Variants in METTL15 observed in about 807,000 individuals in gnomAD.
METTL15 encodes methyltransferase 15, mitochondrial 12S rRNA N4-cytidine, also known as 12S rRNA N(4)-cytidine methyltransferase METTL15.
A neutral mutation model predicts 38.3 loss-of-function variants in METTL15; 34 were observed. The ratio of observed to expected loss-of-function variants is 0.89; its 90% CI spans 0.68 to 1.18. METTL15 has a LOEUF of 1.18. Among genes scored for constraint, METTL15 ranks in the 50% most tolerant of loss-of-function variants. The pLI, the probability that METTL15 is intolerant of heterozygous loss-of-function variation, is 0.00. For synonymous variants in METTL15, 162 were observed against 170.9 expected, an observed-to-expected ratio of 0.95 and a Z score of 0.41; for missense variants, 438 against 498.4, an observed-to-expected ratio of 0.88 and a Z score of 1.15.
In METTL15 at chr11:28,366,257, A is replaced by G. The variant is rs537444741; in HGVS notation, c.*358+4221A>G. Among the ~76,000 whole-genome samples the G allele has an allele frequency of 8.5e-5, 13 of 152,268 alleles. No individual in the cohort carries two copies. The South Asian group carries it at 1.2e-3, about 15-fold the overall frequency. On this transcript the variant is annotated intron_variant and NMD_transcript_variant, in intron 5 of 7. Coordinates refer to the METTL15 transcript ENST00000532947. ...ACTCAGTGACTCAGTGGAGGGCAAAAGAATGGAGAGAAAGCCTTGAATCCA... is the reference window on the plus strand; with the variant it reads ...ACTCAGTGACTCAGTGGAGGGCAAAGGAATGGAGAGAAAGCCTTGAATCCA...
At chr11:28,512,333 G>T (rs540803068) in intron 6 of METTL15, among the ~76,000 whole-genome samples, 2 of 152,326 alleles carry the variant, frequency 1.3e-5, no homozygotes, top group South Asian at 2.1e-4. Flanking sequence ...CAGTGCGCCC[G>T]CACTCCTCAG....
At chr11:28,395,476 C>T (rs1180912634) in intron 5 of METTL15, among the ~76,000 whole-genome samples, 3 of 152,104 alleles carry the variant, frequency 2.0e-5, no homozygotes, top group Non-Finnish European at 4.4e-5. Flanking sequence ...ACTGTAAACA[C>T]CTCTACACAA....
At chr11:28,494,651 T>C (rs4262712) in intron 6 of METTL15, among the ~76,000 whole-genome samples, 145,657 of 152,242 alleles carry the variant, frequency 0.96, 69,995 homozygotes, top group East Asian at 1. Context: ...TGGGAGGGAC[T>C]CAGTGGGAGG....
chr11:28,174,747 G>A (rs571000155), intron 3 of METTL15, among the ~76,000 whole-genome samples: 4 of 150,868 alleles, frequency 2.7e-5, no homozygotes, highest in Non-Finnish European at 4.4e-5. Flanking sequence ...GCCGGGGGGC[G>A]GAGCTTGCAG....
chr11:28,374,965 C>T (rs2133378685), intron 5 of METTL15, among the ~76,000 whole-genome samples: 1 of 151,862 alleles, frequency 6.6e-6, no homozygotes, highest in East Asian at 1.9e-4. Flanking sequence ...TGCTGGATTA[C>T]ATTTATTGAT....
At chr11:28,452,613 A>G (rs1170411872) in intron 6 of METTL15, among the ~76,000 whole-genome samples, 2 of 152,214 alleles carry the variant, frequency 1.3e-5, no homozygotes, top group Non-Finnish European at 2.9e-5. Flanking sequence ...AAATCACATC[A>G]TCTTTATGTA....
At chr11:28,194,179 TCTCTCTCTCTCTC>T (rs1189108969) in intron 3 of METTL15, among the ~76,000 whole-genome samples, 29 of 31,686 alleles carry the variant, frequency 9.2e-4, no homozygotes, top group South Asian at 1.9e-3. Context: ...TTTCTTTTTC[TCTCTCTCTCTCTC>T]CTCTCTCTCT....
At chr11:28,270,488 TATTCCAGA>T (rs1439584550) in intron 4 of METTL15, among the ~76,000 whole-genome samples, 1 of 152,272 alleles carries the variant, frequency 6.6e-6, no homozygotes, top group African/African-American at 2.4e-5. Flanking sequence ...CTAAAAGTAG[TATTCCAGA>T]ACATTGTAAT....
chr11:28,257,397 A>G (rs947361800), intron 4 of METTL15, among the ~76,000 whole-genome samples: 1 of 152,306 alleles, frequency 6.6e-6, no homozygotes, highest in African/African-American at 2.4e-5. Flanking sequence ...TTGGTGTTCT[A>G]TAACTTTCTC....
At chr11:28,287,483 C>A in intron 4 of METTL15, 1 of 399,466 alleles carries the variant, frequency 2.5e-6, no homozygotes, top group South Asian at 2.0e-5. Context: ...ATTTCAGATT[C>A]GCCCATGTAA....
At chr11:28,144,661 T>A (rs1047308064) in intron 3 of METTL15, among the ~76,000 whole-genome samples, 5 of 152,086 alleles carry the variant, frequency 3.3e-5, no homozygotes, top group African/African-American at 1.2e-4. Flanking sequence ...ATATAGTGAA[T>A]AATGCAACCA....
intron 3 of METTL15, among the ~76,000 whole-genome samples, chr11:28,342,841 G>A (rs1378096418): frequency 6.6e-6 from 1 of 152,196 alleles, no homozygotes; most frequent in Non-Finnish European, 1.5e-5. Flanking sequence ...ATCCTAGTCT[G>A]TAATACAGTA....
chr11:28,117,259 GTATA>G lies in METTL15; in HGVS notation c.270+3693_270+3696del, dbSNP rs60938215. ...TATGTGTGTGTGTGTGTGTGTGTGT[GTATA>G]TATATATATATATATATATATATAT... On this transcript the variant is annotated intron_variant, in intron 3 of 6. Coordinates refer to ENST00000407364, the MANE Select transcript of METTL15 (RefSeq NM_001113528.2). Among the ~76,000 whole-genome samples, 768 of 108,500 alleles carry G rather than the reference GTATA, an allele frequency of 7.1e-3. 9 individuals carry two copies. The highest frequency in any genetic ancestry group is 0.058 in the East Asian group (209 of 3,590). The allele number at this position is 108,500 out of a possible 152,430, so 71.2% of individuals were successfully genotyped here. A position where few individuals can be genotyped will look rare whatever the true frequency, so the allele number is the denominator to read the frequency against.
At chr11:28,127,160 C>A (rs150281374) in intron 3 of METTL15, among the ~76,000 whole-genome samples, 1 of 152,120 alleles carries the variant, frequency 6.6e-6, no homozygotes, top group Non-Finnish European at 1.5e-5. Context: ...AAAGATAATT[C>A]TCTCTACACT....
intron 4 of METTL15, among the ~76,000 whole-genome samples, chr11:28,254,342 C>T (rs1158426930): frequency 6.6e-6 from 1 of 151,910 alleles, no homozygotes; most frequent in African/African-American, 2.4e-5. Flanking sequence ...GATTTTTTTC[C>T]CCCATGAGTT....
At chr11:28,389,306 G>A (rs987781606) in intron 5 of METTL15, among the ~76,000 whole-genome samples, 3 of 149,674 alleles carry the variant, frequency 2.0e-5, no homozygotes, top group Admixed American at 1.3e-4. Context: ...ATGTATACAT[G>A]TGCCATGCTG....
intron 3 of METTL15, among the ~76,000 whole-genome samples, chr11:28,351,901 A>C (rs1160103418): frequency 6.6e-6 from 1 of 152,230 alleles, no homozygotes; most frequent in East Asian, 1.9e-4. Flanking sequence ...ACTTTGCCTG[A>C]AACCATGAGG....
intron 6 of METTL15, among the ~76,000 whole-genome samples, chr11:28,508,347 A>G (rs1206936327): frequency 6.6e-6 from 1 of 152,200 alleles, no homozygotes; most frequent in South Asian, 2.1e-4. Flanking sequence ...TCTGTTATAT[A>G]ATAGCTGCCT....
chr11:28,306,220 T>A (rs2134016624), intron 6 of METTL15, among the ~76,000 whole-genome samples: 1 of 152,234 alleles, frequency 6.6e-6, no homozygotes, highest in East Asian at 1.9e-4. Context: ...CATTTCTTGT[T>A]ATTTTATACT....
Sources: allele counts gnomAD v4.1 joint callset (sites outside exome capture counted in the v4.1 genomes callset), GRCh38; gene constraint gnomAD v4.1.1; transcripts MANE v1.5; gene names NCBI Gene and HGNC (gene_info 2026-07-23, HGNC 2026-07-21).